CDH17: variants seen among roughly 807,000 people sequenced by gnomAD.
The protein encoded by CDH17 is cadherin-17.
In CDH17, 67 loss-of-function variants were observed where a neutral mutation model predicts 86.3. The observed-to-expected ratio is 0.78, with a 90% CI of 0.64 to 0.95. The LOEUF is 0.95. Ranked by LOEUF, CDH17 falls within the 40% of genes least tolerant of loss-of-function variation. The pLI is 0.00. For synonymous variants in CDH17, 367 were observed against 366.4 expected (o/e 1.00, Z -0.02); for missense variants, 993 against 1,017.6 (o/e 0.98, Z 0.33).
intron 2 of CDH17, among the ~76,000 whole-genome samples, chr8:94,192,487 C>T (rs1430591006): frequency 6.6e-6 from 1 of 152,164 alleles, no homozygotes; most frequent in Non-Finnish European, 1.5e-5. Flanking sequence ...AAAGTATCTC[C>T]AGAGAAGTCC....
chr8:94,161,316 A>G (rs550712557), intron 11 of CDH17, among the ~76,000 whole-genome samples: 1 of 152,280 alleles, frequency 6.6e-6, no homozygotes, highest in South Asian at 2.1e-4. Flanking sequence ...CCCCTCATAA[A>G]TCAATTCCCT....
At chr8:94,140,824 A>G (rs1812622608) in intron 15 of CDH17, among the ~76,000 whole-genome samples, 1 of 152,206 alleles carries the variant, frequency 6.6e-6, no homozygotes, top group African/African-American at 2.4e-5. Flanking sequence ...TCAACCAAAA[A>G]GAAATATATA....
intron 13 of CDH17, among the ~76,000 whole-genome samples, chr8:94,150,823 T>A (rs1216989646): frequency 6.6e-6 from 1 of 152,224 alleles, no homozygotes; most frequent in East Asian, 1.9e-4. Flanking sequence ...GTATAAAGAT[T>A]AAAAACATTT....
At position 94,128,255 on chromosome 8, in the gene CDH17, T is replaced by C. The variant is rs759023539; in HGVS notation, c.2484A>G (p.Lys828=). Residue 828 remains lysine (K), a synonymous_variant, in exon 18 of 18, where the codon AAA becomes AAG. Coordinates refer to ENST00000027335, the MANE Select transcript of CDH17 (RefSeq NM_004063.4). The part of the protein sequence containing the change: ...NVESAQASEV[K]PLRS ...CTTTTCAAATTCAGCTTCTCAGAGG[T>C]TTGACTTCAGATGCTTGAGCACTTT... is the stretch of plus-strand genomic sequence containing the variant. The C allele has an allele frequency of 1.4e-5, 23 of 1,611,548 alleles. No individual in the cohort carries two copies. The highest frequency in any genetic ancestry group is 1.9e-5 in the Non-Finnish European group (22 of 1,178,030).
At chr8:94,179,502 T>C (rs1456817178) in intron 3 of CDH17, among the ~76,000 whole-genome samples, 1 of 152,206 alleles carries the variant, frequency 6.6e-6, no homozygotes, top group Non-Finnish European at 1.5e-5. Flanking sequence ...GCCACTATCA[T>C]GAGCAGGGCT....
intron 4 of CDH17, 112 bp from the exon 5 acceptor site, chr8:94,176,791 G>T: frequency 9.0e-7 from 1 of 1,106,254 alleles, no homozygotes; most frequent in Non-Finnish European, 1.3e-6. Flanking sequence ...GGTGACTGTA[G>T]GAGAGAAAGA....
chr8:94,189,241 T>C lies in CDH17; in HGVS notation c.96A>G (p.Lys32=). ...CTTCATAAATAGAAAATGTCATGGG[T>C]TTCAGGGGTCCACTAAACTTCCCCT... ...GQEGKFSGPL[K]PMTFSIYEGQ... is the part of the protein sequence containing the mutation. Residue 32 remains lysine (K), a synonymous_variant, in exon 3 of 18, where the codon AAA becomes AAG. Coordinates refer to ENST00000027335, the MANE Select transcript of CDH17 (RefSeq NM_004063.4). The C allele has an allele frequency of 6.2e-7, 1 of 1,612,892 alleles. No homozygotes were observed. Among genetic ancestry groups the C allele is most frequent in the Non-Finnish European group, 8.5e-7 (1 of 1,179,738 alleles).
In CDH17 at chr8:94,146,260, G is replaced by A. The variant is rs1047055101; in HGVS notation, c.1928-93C>T. Reference sequence around the variant, plus strand: ...CTTTCTTTAAAATTCAAGGAGTTAGGTACACTGAGATGCTAGAAAGACGAC... The same window carrying A: ...CTTTCTTTAAAATTCAAGGAGTTAGATACACTGAGATGCTAGAAAGACGAC... On this transcript the variant is annotated intron_variant, in intron 14 of 17. Transcript: ENST00000027335. 1.9e-5 allele frequency: 23 copies of A among 1,188,440 alleles called. No individual in the cohort carries two copies. In the African/African-American group the frequency reaches 2.7e-4, roughly 14 times the overall value. 73.6% of individuals were successfully genotyped at this position (1,188,440 alleles called of 1,614,324 possible). A position where few individuals can be genotyped will look rare whatever the true frequency, so the allele number is the denominator to read the frequency against.
At chr8:94,207,410 AGT>A (rs1401323439) in intron 1 of CDH17, among the ~76,000 whole-genome samples, 65 of 152,282 alleles carry the variant, frequency 4.3e-4, no homozygotes, top group African/African-American at 1.5e-3. Context: ...TAGTTAGGCA[AGT>A]CTCTAGTGGC....
At chr8:94,200,398 G>A (rs892857734) in intron 1 of CDH17, among the ~76,000 whole-genome samples, 1 of 152,054 alleles carries the variant, frequency 6.6e-6, no homozygotes, top group Non-Finnish European at 1.5e-5. Flanking sequence ...TTGGCCAACC[G>A]TCTGCGTGGA....
intron 14 of CDH17, among the ~76,000 whole-genome samples, chr8:94,147,151 G>T (rs1812759944): frequency 1.3e-5 from 2 of 152,202 alleles, no homozygotes; most frequent in South Asian, 4.1e-4. Context: ...GTGAAGTTCT[G>T]ATCCCCATGG....
chr8:94,185,135 G>T (rs970418813), intron 3 of CDH17, among the ~76,000 whole-genome samples: 15 of 152,208 alleles, frequency 9.9e-5, no homozygotes, highest in African/African-American at 3.1e-4. Flanking sequence ...TTAAGCCTCA[G>T]TTTCCCCATT....
chr8:94,143,009 C>T (rs1037663669), intron 15 of CDH17, among the ~76,000 whole-genome samples: 3 of 152,196 alleles, frequency 2.0e-5, no homozygotes, highest in Admixed American at 6.5e-5. Context: ...CACAAATGTT[C>T]TTGATGATAT....
chr8:94,148,714 T>G, intron 14 of CDH17, 30 bp downstream of exon 14: 1 of 1,407,940 alleles, frequency 7.1e-7, no homozygotes, highest in Non-Finnish European at 9.2e-7. Context: ...TGTGTTCCTT[T>G]TTTTTTGTTT....
At chr8:94,179,752 A>T (rs1813442696) in intron 3 of CDH17, among the ~76,000 whole-genome samples, 1 of 152,232 alleles carries the variant, frequency 6.6e-6, no homozygotes, top group South Asian at 2.1e-4. Context: ...CTGACTGAGC[A>T]GACTTCAGTG....
intron 3 of CDH17, among the ~76,000 whole-genome samples, chr8:94,184,033 CT>C (rs1563583411): frequency 6.8e-6 from 1 of 148,124 alleles, no homozygotes; most frequent in Admixed American, 6.7e-5. Context: ...ACTAGGATAG[CT>C]ATAATTAAAA....
chr8:94,148,412 G>A (rs1812786904), intron 14 of CDH17, among the ~76,000 whole-genome samples: 1 of 151,588 alleles, frequency 6.6e-6, no homozygotes, highest in South Asian at 2.1e-4. Flanking sequence ...CATGGTGGTG[G>A]GTGCCTGTAA....
chr8:94,141,987 T>C (rs903118090), intron 15 of CDH17, among the ~76,000 whole-genome samples: 4 of 152,192 alleles, frequency 2.6e-5, no homozygotes, highest in Non-Finnish European at 4.4e-5. Flanking sequence ...CAATGTGTTA[T>C]TGGTATAAAA....
Position 94,151,977 on chromosome 8 carries a change from C to A in CDH17, c.1687G>T (p.Ala563Ser). 6.2e-7 allele frequency: 1 copy of A among 1,614,206 alleles called. No individual in the cohort carries two copies. Reference sequence around the variant, plus strand: ...AATACGTGTTGGGAAAATTGAGGTGCTTCATTCACATCTGTCACAATAAGC... The same window carrying A: ...AATACGTGTTGGGAAAATTGAGGTGATTCATTCACATCTGTCACAATAAGC... Reference protein sequence around the residue: ...FTLIVTDVNEAPQFSQHVFQA... With the variant: ...FTLIVTDVNESPQFSQHVFQA... The change falls in exon 13 of 18, where the codon GCA becomes TCA. Residue 563 changes from alanine (A) to serine (S), a missense_variant. By Grantham distance (99) the Ala-to-Ser change is moderately conservative. Coordinates refer to ENST00000027335, the MANE Select transcript of CDH17 (RefSeq NM_004063.4).
Sources: gnomAD v4.1 joint callset for allele counts (sites outside exome capture counted in the v4.1 genomes callset) on GRCh38, gnomAD v4.1.1 for gene constraint, MANE v1.5 for transcripts, NCBI Gene and HGNC (gene_info 2026-07-23, HGNC 2026-07-21) for gene names.